Variants in CDH23 observed in about 807,000 individuals in gnomAD.
The protein encoded by CDH23 is cadherin-23.
Under a neutral mutation model 317.1 loss-of-function variants are expected in CDH23, and 189 were observed. The observed-to-expected ratio is 0.60, with a 90% CI of 0.53 to 0.67. CDH23 has a LOEUF of 0.67. CDH23 is among the 30% of genes least tolerant of loss of function. The probability of loss-of-function intolerance (pLI) is 0.00; values close to 1 mark genes in which losing one functional copy is unlikely to be tolerated. For missense variants in CDH23, 4,401 were observed against 4,592.4 expected (o/e 0.96, Z 1.20); for synonymous variants, 1,839 against 1,876.8 (o/e 0.98, Z 0.52).
intron 9 of CDH23, among the ~76,000 whole-genome samples, chr10:71,595,270 T>C (rs919843879): frequency 9.2e-5 from 14 of 152,100 alleles, no homozygotes; most frequent in African/African-American, 3.4e-4. Context: ...GCCTCTGCCA[T>C]CCTATTTCTC....
chr10:71,439,109 C>T (rs1001463228), intron 1 of CDH23, among the ~76,000 whole-genome samples: 4 of 152,120 alleles, frequency 2.6e-5, no homozygotes, highest in Admixed American at 2.6e-4. Context: ...CTTTCAGAAC[C>T]TCTGTCAACT....
intron 14 of CDH23, among the ~76,000 whole-genome samples, chr10:71,648,311 G>C (rs536072589): frequency 1.3e-5 from 2 of 152,314 alleles, no homozygotes; most frequent in East Asian, 3.9e-4. Flanking sequence ...TGGACCCAAA[G>C]TGTGTGTCTT....
At chr10:71,697,355 T>C (rs1335436507) in intron 22 of CDH23, among the ~76,000 whole-genome samples, 2 of 152,162 alleles carry the variant, frequency 1.3e-5, no homozygotes, top group African/African-American at 2.4e-5. Flanking sequence ...GGCCCCACGC[T>C]TGTCAGGCTG....
At chr10:71,655,903 T>A (rs1360699962) in intron 14 of CDH23, among the ~76,000 whole-genome samples, 1 of 152,008 alleles carries the variant, frequency 6.6e-6, no homozygotes, top group African/African-American at 2.4e-5. Flanking sequence ...CACATTTCAC[T>A]CTCTGTGCCA....
At chr10:71,539,517 A>T (rs181257696) in intron 6 of CDH23, among the ~76,000 whole-genome samples, 1 of 152,010 alleles carries the variant, frequency 6.6e-6, no homozygotes, top group East Asian at 1.9e-4. Context: ...GTCAAGCCTG[A>T]TGAACTAAAT....
chr10:71,704,691 C>T (rs148153369), intron 24 of CDH23, among the ~76,000 whole-genome samples: 7 of 152,318 alleles, frequency 4.6e-5, no homozygotes, highest in African/African-American at 1.4e-4. Context: ...ACCGGCCTCA[C>T]TTGGTGCATC....
rs9663920 is a variant in CDH23, at chr10:71,799,182, G to A, written c.7126G>A (p.Asp2376Asn). Reference protein sequence around the residue: ...HWLNFTVRASDNGSPPRAAEI... With the variant: ...HWLNFTVRASNNGSPPRAAEI... ...GCTCAACTTTACCGTGAGGGCCTCA[G>A]ACAACGGGTCCCCGCCCCGGGCAGC... Residue 2376 changes from aspartate to asparagine, a missense_variant, in exon 51 of 70, where the codon GAC (aspartate) becomes AAC (asparagine). Physicochemically the swap from Asp to Asn is conservative, Grantham distance 23. Around this residue, in one of 3 missense-constraint regions of CDH23, gnomAD observed 189 missense variants for 250.9 expected, o/e 0.75. Coordinates refer to ENST00000224721, the MANE Select transcript of CDH23 (RefSeq NM_022124.6). The A allele has an allele frequency of 6.2e-7, 1 of 1,614,040 alleles. No individual in the cohort carries two copies. Among genetic ancestry groups the A allele is most frequent in the Non-Finnish European group, 8.5e-7 (1 of 1,179,904 alleles).
intron 19 of CDH23, among the ~76,000 whole-genome samples, chr10:71,689,036 G>GGATGGTGGAGCCAGA (rs1564733874): frequency 9.5e-6 from 1 of 105,748 alleles, no homozygotes; most frequent in Non-Finnish European, 2.1e-5. Flanking sequence ...GTGGAGTCAG[G>GGATGGTGGAGCCAGA]GGTGGTGGAG....
intron 62 of CDH23, among the ~76,000 whole-genome samples, 193 bp from the exon 63 acceptor site, chr10:71,811,122 G>A (rs572511715): frequency 1.4e-5 from 2 of 146,644 alleles, no homozygotes; most frequent in Non-Finnish European, 3.0e-5. Flanking sequence ...TCCATCCACT[G>A]TAAGGATGGA....
At chr10:71,632,951 G>T (rs973659133) in intron 11 of CDH23, among the ~76,000 whole-genome samples, 3 of 152,168 alleles carry the variant, frequency 2.0e-5, no homozygotes, top group Non-Finnish European at 4.4e-5. Flanking sequence ...GCTGCATCTG[G>T]TGAGGGCCCT....
chr10:71,507,574 T>C (rs758002883), intron 3 of CDH23, among the ~76,000 whole-genome samples: 6 of 152,134 alleles, frequency 3.9e-5, no homozygotes, highest in Non-Finnish European at 5.9e-5. Flanking sequence ...ATGCCTGTAA[T>C]CCCAGCTACT....
chr10:71,811,655 G>T, intron 64 of CDH23, 58 bp from the exon 65 acceptor site: 1 of 1,613,772 alleles, frequency 6.2e-7, no homozygotes, highest in Non-Finnish European at 8.5e-7. Flanking sequence ...CACGAGGCAG[G>T]CAGGGCCTGA....
chr10:71,637,964 A>G (rs1023521154), intron 11 of CDH23, among the ~76,000 whole-genome samples: 2 of 151,978 alleles, frequency 1.3e-5, no homozygotes, highest in African/African-American at 2.4e-5. Context: ...CCAAGGGCAC[A>G]TTGTAGTTTA....
At chr10:71,462,889 A>C (rs1851073453) in intron 3 of CDH23, among the ~76,000 whole-genome samples, 1 of 152,246 alleles carries the variant, frequency 6.6e-6, no homozygotes, top group Admixed American at 6.5e-5. Context: ...ACCAGAAGAT[A>C]CACGTGGGAG....
intron 38 of CDH23, chr10:71,755,151 C>T (rs2132872000): frequency 1.5e-6 from 1 of 659,092 alleles, no homozygotes. Flanking sequence ...GCCAAAGGGG[C>T]TGGTGGGCAC....
At position 71,586,051 on chromosome 10, in the gene CDH23, C is replaced by T. The variant is rs772593803; in HGVS notation, c.832+8059C>T. On this transcript the variant is annotated intron_variant, in intron 9 of 69. Transcript: ENST00000224721. ...AGTGCTGTGGAAACACCCTCAAGGC[C>T]TCTCCCTTCTGCTAGACCTGAGTCC... Among the ~76,000 whole-genome samples the T allele has an allele frequency of 4.6e-5, 7 of 152,306 alleles. No individual in the cohort carries two copies. In the South Asian group the frequency reaches 8.3e-4, roughly 18 times the overall value.
chr10:71,449,102 C>G (rs1490454307), intron 3 of CDH23, among the ~76,000 whole-genome samples: 2 of 152,156 alleles, frequency 1.3e-5, no homozygotes, highest in African/African-American at 4.8e-5. Context: ...AGCTTCCAAC[C>G]CAGGAATGTT....
At chr10:71,425,631 C>T (rs1196061060) in intron 1 of CDH23, among the ~76,000 whole-genome samples, 1 of 152,108 alleles carries the variant, frequency 6.6e-6, no homozygotes, top group Non-Finnish European at 1.5e-5. Context: ...ATGCTGTTTG[C>T]CTCACTTTCA....
chr10:71,548,193 G>C (rs1046762873), intron 6 of CDH23, among the ~76,000 whole-genome samples: 1 of 152,240 alleles, frequency 6.6e-6, no homozygotes, highest in Non-Finnish European at 1.5e-5. Context: ...GCCTGCGGGG[G>C]CCTGCTGCAC....
Sources: gnomAD v4.1 joint callset for allele counts (sites outside exome capture counted in the v4.1 genomes callset) on GRCh38, gnomAD v4.1.1 for gene constraint, gnomAD v4.1.1 regional missense constraint, MANE v1.5 for transcripts, NCBI Gene and HGNC (gene_info 2026-07-23, HGNC 2026-07-21) for gene names.